Variants in POTEF observed in about 807,000 individuals in gnomAD.
The protein encoded by POTEF is ANKRD26-like family C member 1B.
Under a neutral mutation model 83.2 loss-of-function variants are expected in POTEF, and 20 were observed. The ratio of observed to expected loss-of-function variants is 0.24; its 90% confidence interval spans 0.17 to 0.35. The LOEUF is 0.35. Ranked by LOEUF, POTEF falls within the 10% of genes least tolerant of loss-of-function variation. POTEF has a pLI of 1.00. For synonymous variants in POTEF, 196 were observed against 446.4 expected, an observed-to-expected ratio of 0.44 and a Z score of 7.07; for missense variants, 550 against 1,203.2, an observed-to-expected ratio of 0.46 and a Z score of 8.03.
At chr2:130,102,370 TTCAC>T (rs529537869) in intron 8 of POTEF, among the ~76,000 whole-genome samples, 190 bp from the exon 9 acceptor site, 191 of 129,010 alleles carry the variant, frequency 1.5e-3, no homozygotes, top group African/African-American at 5.5e-3. Context: ...CCTGATGTCA[TTCAC>T]TCACAAATTC....
chr2:130,088,607 TTA>T (rs1287617461), intron 12 of POTEF, among the ~76,000 whole-genome samples: 29 of 77,046 alleles, frequency 3.8e-4, no homozygotes, highest in Non-Finnish European at 6.7e-4. Flanking sequence ...TTTTTTTTTT[TTA>T]TGAGCTAGAG....
At position 130,107,082 on chromosome 2, in the gene POTEF, T is replaced by C. The variant is rs1684556557; in HGVS notation, c.1126+927A>G. Among the ~76,000 whole-genome samples, 7 of 147,912 alleles carry C rather than the reference T, an allele frequency of 4.7e-5. No homozygotes were observed. In the South Asian group the frequency reaches 1.5e-3, roughly 32 times the overall value. Reference sequence around the variant, plus strand: ...AGTTTGGACAATATAATGTATTAGGTGTCCACAACCAGGTAGCATACTAGC... The same window carrying C: ...AGTTTGGACAATATAATGTATTAGGCGTCCACAACCAGGTAGCATACTAGC... On this transcript the variant is annotated intron_variant, in intron 8 of 16. Coordinates refer to ENST00000409914, the MANE Select transcript of POTEF (RefSeq NM_001099771.2).
At chr2:130,125,355 G>A (rs1307570898) in intron 2 of POTEF, among the ~76,000 whole-genome samples, 1 of 149,042 alleles carries the variant, frequency 6.7e-6, no homozygotes, top group East Asian at 1.9e-4. Flanking sequence ...AACCTATCTA[G>A]TGGTATTTAT....
intron 3 of POTEF, among the ~76,000 whole-genome samples, chr2:130,119,206 C>A (rs1381788727): frequency 2.6e-5 from 4 of 151,270 alleles, no homozygotes; most frequent in African/African-American, 9.8e-5. Context: ...CTCTGTTGCC[C>A]AGGCTGGAGT....
intron 2 of POTEF, among the ~76,000 whole-genome samples, chr2:130,121,204 G>C (rs1458829794): frequency 1.3e-5 from 2 of 150,210 alleles, no homozygotes; most frequent in Non-Finnish European, 3.0e-5. Context: ...CATGCAACGC[G>C]CCTGCTTAAG....
At position 130,076,064 on chromosome 2, in the gene POTEF, T is replaced by C. The variant is rs1683795068; in HGVS notation, c.1900-492A>G. The stretch of plus-strand genomic sequence containing the variant: ...AATTTCTCAAAGTTCTTTAAGTTTC[T>C]TTTACTTAAGAACGTTTTACCGATA... On this transcript the variant is annotated intron_variant, in intron 16 of 16. Coordinates refer to ENST00000409914, the MANE Select transcript of POTEF (RefSeq NM_001099771.2). Among the ~76,000 whole-genome samples the C allele has an allele frequency of 1.9e-5, 2 of 104,280 alleles. 1 individual carries two copies. The highest frequency in any genetic ancestry group is 5.5e-4 in the East Asian group (2 of 3,638). The allele number at this position is 104,280 out of a possible 152,430, so 68.4% of individuals were successfully genotyped here. A position where few individuals can be genotyped will look rare whatever the true frequency, so the allele number is the denominator to read the frequency against.
At chr2:130,089,318 GA>G (rs1482302609) in intron 12 of POTEF, among the ~76,000 whole-genome samples, 6 of 3,054 alleles carry the variant, frequency 2.0e-3, no homozygotes, top group African/African-American at 0.011. Context: ...CTGAAAGAGT[GA>G]AAGTATTTGC....
At chr2:130,109,572 C>G (rs1346566680) in intron 7 of POTEF, 2 of 151,396 alleles carry the variant, frequency 1.3e-5, no homozygotes, top group East Asian at 3.9e-4. Context: ...TTTCTACTGC[C>G]CAAGGTTCTA....
intron 3 of POTEF, among the ~76,000 whole-genome samples, chr2:130,117,606 C>T (rs1293070701): frequency 6.6e-6 from 1 of 151,810 alleles, no homozygotes. Context: ...CTTTGCATGT[C>T]GACATATCTC....
chr2:130,083,349 T>A (rs3100076), intron 15 of POTEF, among the ~76,000 whole-genome samples: 2 of 151,946 alleles, frequency 1.3e-5, no homozygotes, highest in Non-Finnish European at 2.9e-5. Flanking sequence ...AAAAAAAAAT[T>A]ATGAGAAAGA....
chr2:130,104,784 T>TA lies in POTEF; in HGVS notation c.1127-2605dup, dbSNP rs1269164478. On this transcript the variant is annotated intron_variant, in intron 8 of 16. Coordinates refer to ENST00000409914, the MANE Select transcript of POTEF (RefSeq NM_001099771.2). ...TGTCCCATTCTATGTCTGTGGATGC[T>TA]AACTTTTGATCATTGATGGTGATAC... Among the ~76,000 whole-genome samples the TA allele has an allele frequency of 7.3e-5, 11 of 151,330 alleles. 1 individual carries two copies. The highest frequency in any genetic ancestry group is 9.8e-5 in the African/African-American group (4 of 40,780).
At position 130,074,110 on chromosome 2, in the gene POTEF, C is replaced by T; in HGVS notation, c.*134G>A. On this transcript the variant is annotated 3_prime_UTR_variant, in exon 17 of 17. Coordinates refer to ENST00000409914, the MANE Select transcript of POTEF (RefSeq NM_001099771.2). Reference sequence around the variant, plus strand: ...ACCTTCACCATTCCGGTTTTTAAATCCTGAGTCAAGCCAATAAAAAACAAA... The same window carrying T: ...ACCTTCACCATTCCGGTTTTTAAATTCTGAGTCAAGCCAATAAAAAACAAA... 1 of 1,126,332 alleles carries T rather than the reference C, an allele frequency of 8.9e-7. No individual in the cohort carries two copies. Among genetic ancestry groups the T allele is most frequent in the Non-Finnish European group, 1.3e-6 (1 of 785,826 alleles). The allele number at this position is 1,126,332 out of a possible 1,614,324, so 69.8% of individuals were successfully genotyped here. A position where few individuals can be genotyped will look rare whatever the true frequency, so the allele number is the denominator to read the frequency against.
chr2:130,110,469 A>G (rs1251968383), intron 7 of POTEF, 74 bp downstream of exon 7: 1 of 1,451,878 alleles, frequency 6.9e-7, no homozygotes, highest in African/African-American at 1.5e-5. Context: ...CTCACCTGAT[A>G]TGTGAGATGC....
chr2:130,104,913 T>A (rs1393488038), intron 8 of POTEF, among the ~76,000 whole-genome samples: 1 of 151,232 alleles, frequency 6.6e-6, no homozygotes, highest in Non-Finnish European at 1.5e-5. Flanking sequence ...GGTTATCCAA[T>A]TACCTATTCA....
intron 16 of POTEF, among the ~76,000 whole-genome samples, chr2:130,076,242 T>TA (rs1683801308): frequency 7.7e-6 from 1 of 130,690 alleles, no homozygotes; most frequent in South Asian, 2.5e-4. Flanking sequence ...TCGCGATTCT[T>TA]AAAAGGAGAG....
chr2:130,108,549 TTA>T (rs1331044984), intron 7 of POTEF, among the ~76,000 whole-genome samples: 2 of 150,836 alleles, frequency 1.3e-5, no homozygotes, highest in Non-Finnish European at 2.9e-5. Flanking sequence ...TTCCTAAACT[TTA>T]TGACTAAAAT....
At chr2:130,108,111 T>C in intron 7 of POTEF, 32 bp from the exon 8 acceptor site, 2 of 1,550,180 alleles carry the variant, frequency 1.3e-6, no homozygotes, top group South Asian at 2.4e-5. Flanking sequence ...ACCAAATTAC[T>C]ATTTTAATAC....
chr2:130,119,683 G>A (rs1684945502), intron 3 of POTEF, among the ~76,000 whole-genome samples: 1 of 151,158 alleles, frequency 6.6e-6, no homozygotes, highest in South Asian at 2.1e-4. Context: ...ATAATGTATA[G>A]AACATTGTTT....
At chr2:130,116,585 T>TAAG (rs1365901312) in intron 3 of POTEF, among the ~76,000 whole-genome samples, 1 of 117,304 alleles carries the variant, frequency 8.5e-6, no homozygotes, top group Non-Finnish European at 1.7e-5. Flanking sequence ...CTCCCACCTA[T>TAAG]AAGTAAGAAC....
Sources: gnomAD v4.1 joint callset for allele counts (sites outside exome capture counted in the v4.1 genomes callset) on GRCh38, gnomAD v4.1.1 for gene constraint, MANE v1.5 for transcripts, NCBI Gene and HGNC (gene_info 2026-07-23, HGNC 2026-07-21) for gene names.